Variants in BICRAL observed in about 807,000 individuals in gnomAD.
The protein encoded by BICRAL is BRD4-interacting chromatin-remodeling complex-associated protein-like.
A neutral mutation model predicts 91.8 loss-of-function variants in BICRAL; 8 were observed. The ratio of observed to expected loss-of-function variants is 0.09; its 90% CI spans 0.05 to 0.16. The LOEUF (loss-of-function observed/expected upper bound fraction) is 0.16, where lower values mean the gene tolerates loss of function less well. BICRAL is among the 10% of genes least tolerant of loss of function. The pLI, the probability that BICRAL is intolerant of heterozygous loss-of-function variation, is 1.00. For synonymous variants in BICRAL, 445 were observed against 491.1 expected (o/e 0.91, Z 1.24); for missense variants, 1,038 against 1,310.9 (o/e 0.79, Z 3.21).
chr6:42,794,241 G>C (rs2113884977), intron 1 of BICRAL, among the ~76,000 whole-genome samples: 1 of 152,058 alleles, frequency 6.6e-6, no homozygotes, highest in African/African-American at 2.4e-5. Flanking sequence ...TACAGCATGT[G>C]TGATAGAGAT....
At chr6:42,754,609 A>G (rs1370368252) in intron 1 of BICRAL, among the ~76,000 whole-genome samples, 2 of 152,216 alleles carry the variant, frequency 1.3e-5, no homozygotes, top group East Asian at 3.8e-4. Context: ...GTGCTGATCA[A>G]GGCTGGGCAT....
intron 6 of BICRAL, among the ~76,000 whole-genome samples, chr6:42,835,824 C>G (rs1293313814): frequency 6.6e-6 from 1 of 152,146 alleles, no homozygotes; most frequent in Non-Finnish European, 1.5e-5. Context: ...GTCCCAGCTA[C>G]TTGGGAGGCT....
At chr6:42,841,438 C>T (rs1299614049) in intron 6 of BICRAL, among the ~76,000 whole-genome samples, 1 of 152,100 alleles carries the variant, frequency 6.6e-6, no homozygotes, top group Non-Finnish European at 1.5e-5. Context: ...CCTCCCGTCT[C>T]ACCCTCCCAA....
intron 1 of BICRAL, among the ~76,000 whole-genome samples, chr6:42,761,913 AAAG>A (rs1229477729): frequency 1.3e-5 from 2 of 152,158 alleles, no homozygotes; most frequent in Non-Finnish European, 2.9e-5. Context: ...CAAAAAAAAA[AAAG>A]AAAGAAAAAG....
At chr6:42,751,420 C>T (rs1034154) in intron 1 of BICRAL, among the ~76,000 whole-genome samples, 16,455 of 152,138 alleles carry the variant, frequency 0.11, 994 homozygotes, top group Admixed American at 0.16. Context: ...AAATTTTAAA[C>T]GTCTGTTGTA....
At chr6:42,821,975 T>A in intron 2 of BICRAL, 43 bp from the exon 3 acceptor site, 1 of 1,294,262 alleles carries the variant, frequency 7.7e-7, no homozygotes, top group East Asian at 2.3e-5. Flanking sequence ...CTGTCTTTAA[T>A]CTGCTTTACT....
intron 6 of BICRAL, among the ~76,000 whole-genome samples, chr6:42,842,522 C>G (rs1010369546): frequency 3.3e-5 from 5 of 152,128 alleles, no homozygotes; most frequent in African/African-American, 1.2e-4. Context: ...CCTGTTTTTC[C>G]CACAAATAGG....
At chr6:42,819,450 T>C (rs1764080134) in intron 2 of BICRAL, among the ~76,000 whole-genome samples, 1 of 151,578 alleles carries the variant, frequency 6.6e-6, no homozygotes, top group Non-Finnish European at 1.5e-5. Context: ...CATGCCTGGC[T>C]AATTTTTTGT....
intron 10 of BICRAL, among the ~76,000 whole-genome samples, chr6:42,859,988 T>G (rs1390914633): frequency 1.3e-5 from 2 of 152,186 alleles, no homozygotes; most frequent in African/African-American, 4.8e-5. Context: ...GGTTTTATTT[T>G]ATAGGTGATA....
intron 1 of BICRAL, among the ~76,000 whole-genome samples, chr6:42,752,392 G>A (rs1265315325): frequency 6.6e-6 from 1 of 152,186 alleles, no homozygotes; most frequent in African/African-American, 2.4e-5. Context: ...AACAGACATC[G>A]TCCCTGTCCT....
At chr6:42,822,875 T>A in intron 4 of BICRAL, 31 bp downstream of exon 4, 1 of 1,519,698 alleles carries the variant, frequency 6.6e-7, no homozygotes, top group Non-Finnish European at 9.1e-7. Context: ...CACAGACATC[T>A]ATTTTGTTTC....
At chr6:42,819,635 A>G (rs1764086558) in intron 2 of BICRAL, among the ~76,000 whole-genome samples, 1 of 152,184 alleles carries the variant, frequency 6.6e-6, no homozygotes, top group Non-Finnish European at 1.5e-5. Context: ...TGCTCTGGTA[A>G]ATTTACTTTG....
At chr6:42,807,329 G>A (rs1382023176) in intron 1 of BICRAL, among the ~76,000 whole-genome samples, 1 of 151,450 alleles carries the variant, frequency 6.6e-6, no homozygotes, top group South Asian at 2.1e-4. Context: ...GACTACAGGC[G>A]CCCGCCACCA....
At chr6:42,810,493 A>G (rs904440510) in intron 2 of BICRAL, 92 bp downstream of exon 2, 2 of 152,224 alleles carry the variant, frequency 1.3e-5, no homozygotes, top group African/African-American at 4.8e-5. Flanking sequence ...CAATTTCAAA[A>G]TGTAACAGCA....
intron 1 of BICRAL, among the ~76,000 whole-genome samples, chr6:42,783,201 G>A (rs965691754): frequency 1.3e-5 from 2 of 151,580 alleles, no homozygotes; most frequent in Non-Finnish European, 2.9e-5. Flanking sequence ...CTTCCCAGCC[G>A]CCTCGCTGCC....
intron 1 of BICRAL, among the ~76,000 whole-genome samples, chr6:42,796,780 C>T (rs537417235): frequency 2.0e-5 from 3 of 152,050 alleles, no homozygotes; most frequent in African/African-American, 7.2e-5. Flanking sequence ...GGGTGCAGTG[C>T]TCACACCTGT....
chr6:42,838,268 C>A (rs1371480567), intron 6 of BICRAL, among the ~76,000 whole-genome samples: 1 of 152,168 alleles, frequency 6.6e-6, no homozygotes, highest in African/African-American at 2.4e-5. Context: ...ATTTAGTTGT[C>A]ACATCTCTTT....
At chr6:42,772,521 G>A (rs1284519526) in intron 1 of BICRAL, among the ~76,000 whole-genome samples, 2 of 152,152 alleles carry the variant, frequency 1.3e-5, no homozygotes. Flanking sequence ...GGACTGGCTC[G>A]AGATGTGCCT....
intron 1 of BICRAL, among the ~76,000 whole-genome samples, chr6:42,765,164 T>A (rs1294563273): frequency 3.3e-5 from 5 of 152,242 alleles, no homozygotes; most frequent in African/African-American, 1.2e-4. Context: ...CAGAGACTTT[T>A]CCCTTCTGTA....
Sources: allele counts gnomAD v4.1 joint callset (sites outside exome capture counted in the v4.1 genomes callset), GRCh38; gene constraint gnomAD v4.1.1; transcripts MANE v1.5; gene names NCBI Gene and HGNC (gene_info 2026-07-23, HGNC 2026-07-21).